PRUNE2: variants seen among roughly 807,000 people sequenced by gnomAD.
The protein encoded by PRUNE2 is protein prune homolog 2.
Under a neutral mutation model 252.0 loss-of-function variants are expected in PRUNE2, and 164 were observed. The observed-to-expected ratio is 0.65, with a 90% CI of 0.57 to 0.74. The LOEUF (loss-of-function observed/expected upper bound fraction) is 0.74. Among genes scored for constraint, PRUNE2 ranks in the 30% least tolerant of loss-of-function variants. PRUNE2 has a pLI of 0.00. For synonymous variants in PRUNE2, 1,292 were observed against 1,350.2 expected (o/e 0.96, Z 0.94); for missense variants, 3,495 against 3,711.0 (o/e 0.94, Z 1.51).
chr9:76,890,375 A>G (rs1270426140), intron 1 of PRUNE2, among the ~76,000 whole-genome samples: 1 of 152,202 alleles, frequency 6.6e-6, no homozygotes, highest in Non-Finnish European at 1.5e-5. Flanking sequence ...AGGAGAGGAG[A>G]CCCAGCATGG....
chr9:76,689,650 C>T (rs887225474), intron 9 of PRUNE2, among the ~76,000 whole-genome samples: 5 of 152,090 alleles, frequency 3.3e-5, no homozygotes, highest in African/African-American at 1.2e-4. Flanking sequence ...TGAGATACCG[C>T]ACCAAGATTT....
rs544095328 is a variant in PRUNE2, at chr9:76,730,915, G to A, written c.757-17194C>T. On this transcript the variant is annotated intron_variant, in intron 6 of 18. Coordinates refer to ENST00000376718, the MANE Select transcript of PRUNE2 (RefSeq NM_015225.3). Reference sequence around the variant, plus strand: ...AGACTCCGTCTCAAAAAAATAAAGAGACGAAAGAGATGAGGCAATCTGAAA... The same window carrying A: ...AGACTCCGTCTCAAAAAAATAAAGAAACGAAAGAGATGAGGCAATCTGAAA... 1.3e-3 allele frequency among the ~76,000 whole-genome samples: 198 copies of A among 152,248 alleles called. 2 individuals carry two copies. The highest frequency in any genetic ancestry group is 0.01 in the East Asian group (53 of 5,176).
Position 76,620,293 on chromosome 9 carries a change from C to A in PRUNE2, c.9189-906G>T, listed in dbSNP as rs60411418. Among the ~76,000 whole-genome samples, 626 of 152,160 alleles carry A rather than the reference C, an allele frequency of 4.1e-3. 5 individuals carry two copies. Among genetic ancestry groups the A allele is most frequent in the African/African-American group, 0.015 (606 of 41,508 alleles). On this transcript the variant is annotated intron_variant, in intron 17 of 18. Transcript: ENST00000376718. ...TAGCTGGGACTACAGCTGCATGCCA[C>A]CATGCCCGGCTAATTTTCATATTTT... is the stretch of plus-strand genomic sequence containing the variant.
At chr9:76,727,277 T>G (rs2048180899) in intron 6 of PRUNE2, among the ~76,000 whole-genome samples, 1 of 152,140 alleles carries the variant, frequency 6.6e-6, no homozygotes, top group African/African-American at 2.4e-5. Context: ...ACAAAATAAT[T>G]CAAGTCACAC....
intron 14 of PRUNE2, 59 bp from the exon 15 acceptor site, chr9:76,636,616 A>C: frequency 2.4e-6 from 2 of 846,926 alleles, no homozygotes; most frequent in Middle Eastern, 5.1e-4. Context: ...TGGGAATTAA[A>C]ACATAAAACA....
chr9:76,823,775 T>C (rs2058178687), intron 5 of PRUNE2, 49 bp from the exon 6 acceptor site: 2 of 1,109,658 alleles, frequency 1.8e-6, no homozygotes, highest in Non-Finnish European at 1.3e-6. Context: ...GAGGGATTTT[T>C]TTTTTGTAAT....
chr9:76,623,497 G>A (rs537128740), intron 17 of PRUNE2, among the ~76,000 whole-genome samples: 6 of 152,056 alleles, frequency 3.9e-5, no homozygotes, highest in East Asian at 1.9e-4. Flanking sequence ...GTTTCACCAT[G>A]TTGGCCAGGA....
At chr9:76,848,173 A>G (rs1195528905) in intron 3 of PRUNE2, among the ~76,000 whole-genome samples, 1 of 152,234 alleles carries the variant, frequency 6.6e-6, no homozygotes, top group Admixed American at 6.5e-5. Context: ...CCGAGGCAAG[A>G]GAATCGCCTG....
intron 12 of PRUNE2, among the ~76,000 whole-genome samples, chr9:76,642,683 G>A (rs931019036): frequency 2.0e-5 from 3 of 152,256 alleles, no homozygotes; most frequent in Non-Finnish European, 4.4e-5. Context: ...AGGTTGGTAA[G>A]TAAGGAGATT....
rs1040532292 is a variant in PRUNE2 at position 76,673,142 on chromosome 9, T to C, written c.8277-17640A>G. 2.8e-4 allele frequency among the ~76,000 whole-genome samples: 43 copies of C among 151,906 alleles called. No individual in the cohort carries two copies. The South Asian group carries it at 3.1e-3, about 11-fold the overall frequency. ...TGGTTTTTTGAAAGGATCAACAAAATTGATAGACCGCTAGCAAGACTAATG... is the reference window on the plus strand; with the variant it reads ...TGGTTTTTTGAAAGGATCAACAAAACTGATAGACCGCTAGCAAGACTAATG... On this transcript the variant is annotated intron_variant, in intron 9 of 18. Coordinates refer to ENST00000376718, the MANE Select transcript of PRUNE2 (RefSeq NM_015225.3).
In PRUNE2 at chr9:76,706,884, T is replaced by A; in HGVS notation, c.5390A>T (p.Asp1797Val). ...RSSPETGTTG[D>V]VAWQISPKAS... ...TTTGGGAGATATTTGCCATGCAACA[T>A]CTCCTGTTGTCCCTGTTTCTGGAGA... Residue 1797 changes from aspartate to valine, a missense_variant, in exon 8 of 19, where the codon GAT (aspartate) becomes GTT (valine). Coordinates refer to ENST00000376718, the MANE Select transcript of PRUNE2 (RefSeq NM_015225.3). 1.9e-6 allele frequency: 3 copies of A among 1,595,096 alleles called. No individual in the cohort carries two copies. Among genetic ancestry groups the A allele is most frequent in the Non-Finnish European group, 1.7e-6 (2 of 1,170,968 alleles).
chr9:76,620,312 A>G (rs1831659921), intron 17 of PRUNE2, among the ~76,000 whole-genome samples: 1 of 151,612 alleles, frequency 6.6e-6, no homozygotes, highest in Admixed American at 6.6e-5. Context: ...GCTAATTTTC[A>G]TATTTTTGGT....
chr9:76,645,048 T>C (rs571131459), intron 11 of PRUNE2, 139 bp from the exon 12 acceptor site: 14 of 710,454 alleles, frequency 2.0e-5, no homozygotes, highest in South Asian at 3.8e-5. Flanking sequence ...AACAACCTGA[T>C]CAAAGTCCTT....
At chr9:76,662,435 T>C (rs774909956) in intron 9 of PRUNE2, among the ~76,000 whole-genome samples, 6 of 152,256 alleles carry the variant, frequency 3.9e-5, no homozygotes, top group Non-Finnish European at 7.3e-5. Flanking sequence ...TGGACATAAA[T>C]GCACCTTCTT....
intron 6 of PRUNE2, among the ~76,000 whole-genome samples, chr9:76,730,838 T>TG (rs750746646): frequency 2.0e-5 from 3 of 152,134 alleles, no homozygotes; most frequent in Non-Finnish European, 2.9e-5. Flanking sequence ...GGGAGGCAGA[T>TG]GTTGCAGTGA....
chr9:76,790,906 T>A (rs1021208188), intron 6 of PRUNE2, among the ~76,000 whole-genome samples: 1 of 152,254 alleles, frequency 6.6e-6, no homozygotes, highest in Non-Finnish European at 1.5e-5. Flanking sequence ...GGAAGACAGT[T>A]AATGACCAAA....
intron 4 of PRUNE2, among the ~76,000 whole-genome samples, chr9:76,830,245 T>C (rs2058592797): frequency 2.6e-5 from 4 of 152,142 alleles, no homozygotes; most frequent in South Asian, 2.1e-4. Flanking sequence ...GTCTAACAGA[T>C]AGGCAGTAGT....
intron 6 of PRUNE2, among the ~76,000 whole-genome samples, chr9:76,813,442 A>G (rs35990857): frequency 0.058 from 8,855 of 152,288 alleles, 244 homozygotes; most frequent in Non-Finnish European, 0.069. Flanking sequence ...ACTATACTAA[A>G]GATAAAACAT....
At chr9:76,623,579 C>T (rs554956527) in intron 17 of PRUNE2, among the ~76,000 whole-genome samples, 1 of 152,278 alleles carries the variant, frequency 6.6e-6, no homozygotes, top group Non-Finnish European at 1.5e-5. Context: ...AGGGGTCTGA[C>T]TTTCTATTGG....
Sources: gnomAD v4.1 joint callset for allele counts (sites outside exome capture counted in the v4.1 genomes callset) on GRCh38, gnomAD v4.1.1 for gene constraint, MANE v1.5 for transcripts, NCBI Gene and HGNC (gene_info 2026-07-23, HGNC 2026-07-21) for gene names.